The following MBD5 variants were observed in gnomAD, a reference collection of about 807,000 sequenced individuals.
MBD5 encodes the protein methyl-CpG-binding domain protein 5.
Under a neutral mutation model 117.3 loss-of-function variants are expected in MBD5, and 13 were observed. That is an observed-to-expected ratio of 0.11 (90% CI 0.07 to 0.18). MBD5 has a LOEUF of 0.18. MBD5 is among the 10% of genes least tolerant of loss of function. MBD5 has a pLI of 1.00. For missense variants in MBD5, 1,879 were observed against 2,093.8 expected, an observed-to-expected ratio of 0.90 and a Z score of 2.00; for synonymous variants, 727 against 766.4, an observed-to-expected ratio of 0.95 and a Z score of 0.85.
At chr2:148,476,785 A>G (rs1680979119) in intron 8 of MBD5, among the ~76,000 whole-genome samples, 1 of 152,196 alleles carries the variant, frequency 6.6e-6, no homozygotes, top group Admixed American at 6.5e-5. Context: ...GTAGAAGAAT[A>G]CAAAGCTAAG....
intron 1 of MBD5, among the ~76,000 whole-genome samples, chr2:148,077,457 C>T (rs1342234777): frequency 6.6e-6 from 1 of 152,118 alleles, no homozygotes; most frequent in Non-Finnish European, 1.5e-5. Context: ...AGGATACCTG[C>T]TTCCTTAGTT....
intron 1 of MBD5, among the ~76,000 whole-genome samples, chr2:148,153,961 A>C (rs1311194546): frequency 8.0e-6 from 1 of 125,456 alleles, no homozygotes; most frequent in Non-Finnish European, 1.7e-5. Context: ...TTCTCCATCC[A>C]GCTTTGTTCC....
chr2:148,234,580 T>A (rs1313486987), intron 3 of MBD5, among the ~76,000 whole-genome samples: 1 of 152,184 alleles, frequency 6.6e-6, no homozygotes, highest in East Asian at 1.9e-4. Context: ...ATAGTATTAT[T>A]ATGCAGTCAA....
intron 3 of MBD5, among the ~76,000 whole-genome samples, chr2:148,247,716 T>A (rs1162808817): frequency 6.6e-6 from 1 of 152,144 alleles, no homozygotes; most frequent in African/African-American, 2.4e-5. Flanking sequence ...ACTGTTCACT[T>A]TTATACTTCC....
intron 4 of MBD5, among the ~76,000 whole-genome samples, chr2:148,449,231 T>C (rs962114588): frequency 2.0e-5 from 3 of 152,066 alleles, no homozygotes; most frequent in African/African-American, 7.2e-5. Flanking sequence ...AGAAAGGAAG[T>C]GTTGCATAGT....
At position 148,280,533 on chromosome 2, in the gene MBD5, G is replaced by T. The variant is rs192685868; in HGVS notation, c.-680+47138G>T. Among the ~76,000 whole-genome samples, 288 of 152,280 alleles carry T rather than the reference G, an allele frequency of 1.9e-3. 1 individual carries two copies. Among genetic ancestry groups the T allele is most frequent in the African/African-American group, 6.5e-3 (270 of 41,558 alleles). The stretch of plus-strand genomic sequence containing the variant: ...TGCAGCCTTGATCATGCAGGCTCAA[G>T]TCATCCTTCCACCTCAGCCTCCCAA... On this transcript the variant is annotated intron_variant, in intron 3 of 13. Transcript: ENST00000642680.
chr2:148,085,237 T>C (rs1695747630), intron 1 of MBD5, among the ~76,000 whole-genome samples: 1 of 152,216 alleles, frequency 6.6e-6, no homozygotes, highest in African/African-American at 2.4e-5. Flanking sequence ...ACATCACTAT[T>C]ATTATTGTTA....
intron 4 of MBD5, among the ~76,000 whole-genome samples, chr2:148,438,103 C>A (rs1443589196): frequency 6.6e-6 from 1 of 152,170 alleles, no homozygotes; most frequent in Non-Finnish European, 1.5e-5. Flanking sequence ...TGAATTAGAA[C>A]TCTCTAAAAG....
intron 4 of MBD5, among the ~76,000 whole-genome samples, chr2:148,408,571 G>A (rs1192582957): frequency 1.3e-5 from 2 of 152,132 alleles, no homozygotes; most frequent in African/African-American, 4.8e-5. Context: ...ACAAATGCTT[G>A]TATAAAGGCT....
chr2:148,052,983 G>A (rs10209837), intron 1 of MBD5, among the ~76,000 whole-genome samples: 13,950 of 79,078 alleles, frequency 0.18, 1,122 homozygotes, highest in African/African-American at 0.26. Context: ...AAAAAAAAAA[G>A]AGAGAGACAA....
intron 3 of MBD5, among the ~76,000 whole-genome samples, chr2:148,314,753 T>C (rs1702119722): frequency 6.6e-6 from 1 of 152,180 alleles, no homozygotes; most frequent in South Asian, 2.1e-4. Context: ...GTTTTTTCTT[T>C]CTTAGAAATT....
chr2:148,238,403 GA>G (rs1700137422), intron 3 of MBD5, among the ~76,000 whole-genome samples: 1 of 152,158 alleles, frequency 6.6e-6, no homozygotes, highest in Non-Finnish European at 1.5e-5. Flanking sequence ...ATTATTTAGA[GA>G]AATATTCCAT....
intron 4 of MBD5, among the ~76,000 whole-genome samples, chr2:148,431,487 C>G (rs754207389): frequency 1.3e-5 from 2 of 151,910 alleles, no homozygotes; most frequent in Non-Finnish European, 2.9e-5. Context: ...GTTTCATCAC[C>G]CAGGTAATAA....
At chr2:148,294,501 G>GTTTGTTTTTTTTTTTTTTTTTTTTTT (rs1553496237) in intron 3 of MBD5, among the ~76,000 whole-genome samples, 1 of 113,216 alleles carries the variant, frequency 8.8e-6, no homozygotes, top group African/African-American at 3.7e-5. Context: ...TGGGATTACA[G>GTTTGTTTTTTTTTTTTTTTTTTTTTT]TTTTTTTTTT....
chr2:148,056,601 ATTATAT>A (rs1159612512), intron 1 of MBD5, among the ~76,000 whole-genome samples: 2 of 152,176 alleles, frequency 1.3e-5, no homozygotes, highest in African/African-American at 2.4e-5. Flanking sequence ...AATGCAGTGA[ATTATAT>A]TTATATGATT....
chr2:148,485,978 A>G, intron 10 of MBD5, 28 bp downstream of exon 10: 2 of 1,602,710 alleles, frequency 1.2e-6, no homozygotes, highest in Non-Finnish European at 1.7e-6. Flanking sequence ...GTCATTTTAG[A>G]AGAAAACAAT....
intron 8 of MBD5, among the ~76,000 whole-genome samples, chr2:148,477,639 T>C (rs138941890): frequency 7.4e-4 from 113 of 152,264 alleles, no homozygotes; most frequent in African/African-American, 2.5e-3. Flanking sequence ...GAGGAGAAAA[T>C]TTACTATTTC....
chr2:148,272,347 G>A (rs982959824), intron 3 of MBD5, among the ~76,000 whole-genome samples: 2 of 152,088 alleles, frequency 1.3e-5, no homozygotes, highest in Non-Finnish European at 2.9e-5. Flanking sequence ...AGTTTTTTGA[G>A]GAACTTCCAT....
intron 4 of MBD5, among the ~76,000 whole-genome samples, chr2:148,395,962 A>G (rs1390275355): frequency 1.3e-5 from 2 of 151,932 alleles, no homozygotes; most frequent in Non-Finnish European, 2.9e-5. Flanking sequence ...CTTACACCTT[A>G]ATGTTATTTG....
Sources: gnomAD v4.1 joint callset for allele counts (sites outside exome capture counted in the v4.1 genomes callset) on GRCh38, gnomAD v4.1.1 for gene constraint, MANE v1.5 for transcripts, NCBI Gene and HGNC (gene_info 2026-07-23, HGNC 2026-07-21) for gene names.